ASTN2: variants seen among roughly 807,000 people sequenced by gnomAD.
ASTN2 encodes astrotactin-2.
A neutral mutation model predicts 139.8 loss-of-function variants in ASTN2; 54 were observed. That is an observed-to-expected ratio of 0.39 (90% confidence interval 0.31 to 0.48). ASTN2 has a LOEUF of 0.48. Ranked by LOEUF, ASTN2 falls within the 20% of genes least tolerant of loss-of-function variation. ASTN2 has a pLI of 0.95. For synonymous variants in ASTN2, 756 were observed against 719.5 expected, an observed-to-expected ratio of 1.05 and a Z score of -0.81; for missense variants, 1,565 against 1,725.1, an observed-to-expected ratio of 0.91 and a Z score of 1.64.
intron 20 of ASTN2, among the ~76,000 whole-genome samples, chr9:116,456,091 A>G (rs1298527818): frequency 6.6e-6 from 1 of 152,130 alleles, no homozygotes; most frequent in African/African-American, 2.4e-5. Flanking sequence ...TTATTTGCAG[A>G]TGATATGATC....
chr9:117,242,466 T>C (rs1391416985), intron 2 of ASTN2, among the ~76,000 whole-genome samples: 1 of 152,180 alleles, frequency 6.6e-6, no homozygotes. Flanking sequence ...AGAACAGGGA[T>C]ATGCTGGCTG....
intron 2 of ASTN2, among the ~76,000 whole-genome samples, chr9:117,258,144 C>T (rs1833735858): frequency 6.6e-6 from 1 of 152,114 alleles, no homozygotes; most frequent in African/African-American, 2.4e-5. Flanking sequence ...TGTCTCATCC[C>T]ATCAAACGCA....
Position 117,114,666 on chromosome 9 carries a change from G to A in ASTN2, c.1169-18515C>T, listed in dbSNP as rs187992808. 2.4e-3 allele frequency among the ~76,000 whole-genome samples: 361 copies of A among 152,186 alleles called. 1 individual carries two copies. The highest frequency in any genetic ancestry group is 4.5e-3 in the Admixed American group (69 of 15,284). On this transcript the variant is annotated intron_variant, in intron 4 of 22. Coordinates refer to ENST00000313400, the MANE Select transcript of ASTN2 (RefSeq NM_001365068.1). ...TGAAATTCTTGACATACTTCTTACT[G>A]AGATACAGGATCTTCAATACTTGAA...
intron 10 of ASTN2, among the ~76,000 whole-genome samples, chr9:116,947,395 C>T (rs1835427833): frequency 1.3e-5 from 2 of 152,156 alleles, no homozygotes; most frequent in Admixed American, 6.5e-5. Context: ...AAAGGGATTG[C>T]ATTGCCAATC....
intron 16 of ASTN2, among the ~76,000 whole-genome samples, chr9:116,721,073 G>A (rs1828460119): frequency 6.6e-6 from 1 of 152,178 alleles, no homozygotes; most frequent in Non-Finnish European, 1.5e-5. Context: ...GGCAGCCTTG[G>A]GTGGAGGGCA....
intron 4 of ASTN2, among the ~76,000 whole-genome samples, chr9:117,124,299 T>C (rs1225583623): frequency 2.0e-5 from 3 of 152,146 alleles, no homozygotes; most frequent in South Asian, 4.2e-4. Context: ...GATTTCTACA[T>C]ACCCACCTCC....
intron 1 of ASTN2, among the ~76,000 whole-genome samples, chr9:117,390,141 A>G (rs564931375): frequency 6.6e-6 from 1 of 152,342 alleles, no homozygotes; most frequent in African/African-American, 2.4e-5. Context: ...AATTTAGCCT[A>G]GGGTAGGGCC....
At chr9:117,380,107 G>C (rs1395948070) in intron 1 of ASTN2, among the ~76,000 whole-genome samples, 1 of 151,940 alleles carries the variant, frequency 6.6e-6, no homozygotes, top group African/African-American at 2.4e-5. Context: ...AAAGATGAAG[G>C]GATCCATTTA....
intron 13 of ASTN2, among the ~76,000 whole-genome samples, chr9:116,739,574 G>A (rs111836574): frequency 2.6e-5 from 4 of 152,268 alleles, no homozygotes; most frequent in African/African-American, 7.2e-5. Flanking sequence ...GAGAACTCTC[G>A]CTGGAATCAG....
intron 13 of ASTN2, among the ~76,000 whole-genome samples, chr9:116,763,153 G>A (rs543727601): frequency 2.5e-4 from 38 of 152,254 alleles, no homozygotes; most frequent in African/African-American, 8.4e-4. Flanking sequence ...ACTACAAACT[G>A]TGTGAGGGTA....
intron 7 of ASTN2, among the ~76,000 whole-genome samples, chr9:116,984,129 G>A (rs1289240305): frequency 6.6e-6 from 1 of 152,202 alleles, no homozygotes; most frequent in Non-Finnish European, 1.5e-5. Flanking sequence ...CAGCATCTGA[G>A]TGATATCTGA....
chr9:117,355,275 A>G lies in ASTN2; in HGVS notation c.442+59222T>C, dbSNP rs143149312. Among the ~76,000 whole-genome samples, 1,359 of 152,324 alleles carry G rather than the reference A, an allele frequency of 8.9e-3. 25 individuals are homozygous for G. Among genetic ancestry groups the G allele is most frequent in the African/African-American group, 0.031 (1,287 of 41,566 alleles). The stretch of plus-strand genomic sequence containing the variant: ...CACAAATGAAATATTCAACTCCTTT[A>G]TGGTAAAAATGATTCAAACCCATAT... On this transcript the variant is annotated intron_variant, in intron 1 of 22. Transcript: ENST00000313400.
chr9:117,294,881 G>GTCT (rs1834690026), intron 1 of ASTN2, among the ~76,000 whole-genome samples: 1 of 133,294 alleles, frequency 7.5e-6, no homozygotes, highest in African/African-American at 4.2e-5. Context: ...CCTATGAGCT[G>GTCT]TCTTCTTCTC....
intron 4 of ASTN2, among the ~76,000 whole-genome samples, chr9:117,123,472 A>T (rs958405288): frequency 6.6e-6 from 1 of 152,186 alleles, no homozygotes; most frequent in African/African-American, 2.4e-5. Flanking sequence ...AATATGGATA[A>T]TAATAATATA....
At chr9:117,080,266 C>T (rs941393071) in intron 5 of ASTN2, among the ~76,000 whole-genome samples, 2 of 152,134 alleles carry the variant, frequency 1.3e-5, no homozygotes, top group African/African-American at 4.8e-5. Context: ...TTTGTAAATT[C>T]TGCCCTCCTT....
intron 10 of ASTN2, among the ~76,000 whole-genome samples, chr9:116,954,776 C>G (rs1835664554): frequency 6.6e-6 from 1 of 152,206 alleles, no homozygotes; most frequent in South Asian, 2.1e-4. Flanking sequence ...TTCACACCCA[C>G]CACTCTGAAT....
intron 19 of ASTN2, chr9:116,543,823 T>A (rs1462826834): frequency 6.6e-6 from 1 of 152,172 alleles, no homozygotes; most frequent in Admixed American, 6.5e-5. Context: ...GAACTACTTG[T>A]GACATCAGGA....
At chr9:117,298,975 C>G (rs910421064) in intron 1 of ASTN2, among the ~76,000 whole-genome samples, 1 of 152,026 alleles carries the variant, frequency 6.6e-6, no homozygotes, top group Non-Finnish European at 1.5e-5. Flanking sequence ...GATTCCCATA[C>G]AGCAACTCTA....
At position 116,768,992 on chromosome 9, in the gene ASTN2, T is replaced by C. The variant is rs150336936; in HGVS notation, c.2397-35469A>G. 9.0e-3 allele frequency among the ~76,000 whole-genome samples: 1,370 copies of C among 152,282 alleles called. 19 individuals are homozygous for C. Among genetic ancestry groups the C allele is most frequent in the African/African-American group, 0.03 (1,257 of 41,560 alleles). ...ATTTGCCCATCAAATGAAATTATTA[T>C]GACCAGTTGGATATACCTTACTTTA... On this transcript the variant is annotated intron_variant, in intron 13 of 22. Coordinates refer to ENST00000313400, the MANE Select transcript of ASTN2 (RefSeq NM_001365068.1).
Sources: allele counts gnomAD v4.1 joint callset (sites outside exome capture counted in the v4.1 genomes callset), GRCh38; gene constraint gnomAD v4.1.1; transcripts MANE v1.5; gene names NCBI Gene and HGNC (gene_info 2026-07-23, HGNC 2026-07-21).